SPMIP2: variants seen among roughly 807,000 people sequenced by gnomAD.
SPMIP2 encodes the protein sperm microtubule inner protein 2.
At chr4:158,960,266 A>T in the SPMIP2 span, 1 of 1,427,384 alleles carries the variant, frequency 7.0e-7, no homozygotes, top group Non-Finnish European at 9.7e-7. Flanking sequence ...ATTAATAAAA[A>T]TATATTCATA....
the SPMIP2 span, among the ~76,000 whole-genome samples, chr4:159,055,413 G>A: frequency 2.6e-5 from 4 of 152,138 alleles, no homozygotes; most frequent in African/African-American, 9.7e-5. Flanking sequence ...TTTAAAAAAT[G>A]AAAAACAGGC....
At chr4:158,973,457 ATTC>A in the SPMIP2 span, 193 of 427,222 alleles carry the variant, frequency 4.5e-4, no homozygotes, top group Non-Finnish European at 5.6e-4. Context: ...AGACATGTTA[ATTC>A]TTATTAATAC....
chr4:159,018,976 G>A, the SPMIP2 span, among the ~76,000 whole-genome samples: 5 of 152,138 alleles, frequency 3.3e-5, no homozygotes, highest in South Asian at 4.1e-4. Context: ...TGTAGTCCCA[G>A]CTACTCAGGA....
the SPMIP2 span, among the ~76,000 whole-genome samples, chr4:159,030,545 G>A: frequency 6.6e-6 from 1 of 151,706 alleles, no homozygotes; most frequent in Non-Finnish European, 1.5e-5. Context: ...TGCCCAGGCT[G>A]GAGTGCCATG....
chr4:159,048,914 T>C, the SPMIP2 span, among the ~76,000 whole-genome samples: 2 of 151,972 alleles, frequency 1.3e-5, no homozygotes, highest in Non-Finnish European at 2.9e-5. Flanking sequence ...TACTAAATGA[T>C]ATAAAGTTAA....
chr4:159,067,353 T>A, the SPMIP2 span, among the ~76,000 whole-genome samples: 1 of 152,180 alleles, frequency 6.6e-6, no homozygotes, highest in Non-Finnish European at 1.5e-5. Flanking sequence ...CAAGCGATTC[T>A]GCCTCAGCCT....
chr4:158,996,707 T>C, the SPMIP2 span, among the ~76,000 whole-genome samples: 2 of 152,254 alleles, frequency 1.3e-5, no homozygotes, highest in Non-Finnish European at 2.9e-5. Context: ...CCAGTTCCCC[T>C]TGAGGTCCCA....
chr4:158,925,487 TGG>T, the SPMIP2 span, among the ~76,000 whole-genome samples: 1 of 152,202 alleles, frequency 6.6e-6, no homozygotes, highest in Non-Finnish European at 1.5e-5. Flanking sequence ...ACCAGTTTCA[TGG>T]AAGACAATTT....
the SPMIP2 span, among the ~76,000 whole-genome samples, chr4:158,920,038 G>A: frequency 6.6e-6 from 1 of 152,216 alleles, no homozygotes; most frequent in Non-Finnish European, 1.5e-5. Context: ...CGGGAAGTCA[G>A]GGACCCCGAA....
chr4:158,995,278 G>A, the SPMIP2 span, among the ~76,000 whole-genome samples: 7 of 152,078 alleles, frequency 4.6e-5, no homozygotes, highest in East Asian at 1.9e-4. Context: ...CTGAAAGCAG[G>A]GGCAGTGGTT....
At chr4:159,006,993 C>G in the SPMIP2 span, 1 of 390,210 alleles carries the variant, frequency 2.6e-6, no homozygotes. Flanking sequence ...CCCTAGAATG[C>G]CAGTGTTGTT....
chr4:158,988,441 A>G, the SPMIP2 span, among the ~76,000 whole-genome samples: 8 of 152,192 alleles, frequency 5.3e-5, no homozygotes, highest in African/African-American at 1.9e-4. Context: ...TGCAACAAAA[A>G]AAGAAAAAGG....
At chr4:158,941,656 C>T in the SPMIP2 span, among the ~76,000 whole-genome samples, 1 of 152,116 alleles carries the variant, frequency 6.6e-6, no homozygotes, top group Admixed American at 6.5e-5. Flanking sequence ...AAGATCCTGT[C>T]TCAGAAAACA....
the SPMIP2 span, among the ~76,000 whole-genome samples, chr4:158,903,383 G>A: frequency 2.6e-4 from 40 of 152,256 alleles, no homozygotes; most frequent in Middle Eastern, 6.8e-3. Context: ...CTTCTGCGTC[G>A]ATCTTGCTGG....
chr4:158,983,381 G>T, the SPMIP2 span, among the ~76,000 whole-genome samples: 1 of 151,570 alleles, frequency 6.6e-6, no homozygotes, highest in Non-Finnish European at 1.5e-5. Context: ...AAGTTGAAAT[G>T]AAGGAAAAAA....
At chr4:158,994,736 A>G in the SPMIP2 span, among the ~76,000 whole-genome samples, 3 of 152,200 alleles carry the variant, frequency 2.0e-5, no homozygotes, top group African/African-American at 7.2e-5. Context: ...AAGGTCAGAG[A>G]GCGATGGTGG....
the SPMIP2 span, among the ~76,000 whole-genome samples, chr4:158,992,731 T>C: frequency 5.3e-5 from 8 of 152,310 alleles, no homozygotes; most frequent in South Asian, 1.2e-3. Context: ...CTGCATCTTC[T>C]GGAGGGGAGG....
chr4:159,012,445 C>A, the SPMIP2 span, among the ~76,000 whole-genome samples: 1 of 152,144 alleles, frequency 6.6e-6, no homozygotes, highest in Non-Finnish European at 1.5e-5. Flanking sequence ...GATCTGATAC[C>A]TTCACAGCAC....
the SPMIP2 span, chr4:158,915,379 G>C: frequency 7.0e-6 from 11 of 1,582,704 alleles, no homozygotes; most frequent in South Asian, 5.7e-5. Context: ...GAACAAATTG[G>C]TTCTGAAATG....
Sources: gnomAD v4.1 joint callset for allele counts (sites outside exome capture counted in the v4.1 genomes callset) on GRCh38, gnomAD v4.1.1 for gene constraint, MANE v1.5 for transcripts, NCBI Gene and HGNC (gene_info 2026-07-23, HGNC 2026-07-21) for gene names.